CNST: variants seen among roughly 807,000 people sequenced by gnomAD.
CNST encodes the protein consortin, connexin sorting protein.
CNST carries 39 observed loss-of-function variants against 72.4 expected under a neutral mutation model. The observed-to-expected ratio is 0.54, with a 90% confidence interval of 0.42 to 0.70. The LOEUF (loss-of-function observed/expected upper bound fraction) is 0.70, where lower values mean the gene tolerates loss of function less well. Ranked by LOEUF, CNST falls within the 30% of genes least tolerant of loss-of-function variation. The probability of loss-of-function intolerance (pLI) is 0.00; values close to 1 mark genes in which losing one functional copy is unlikely to be tolerated. For missense variants in CNST, 871 were observed against 868.5 expected (o/e 1.00, Z -0.04); for synonymous variants, 332 against 320.1 (o/e 1.04, Z -0.40).
chr1:246,599,355 A>G (rs745933905), intron 2 of CNST, among the ~76,000 whole-genome samples: 2 of 152,214 alleles, frequency 1.3e-5, no homozygotes, highest in Admixed American at 1.3e-4. Flanking sequence ...TCAAGGTGTT[A>G]GCAGGGCTGT....
chr1:246,619,323 T>G (rs1315219693), intron 2 of CNST, among the ~76,000 whole-genome samples: 4 of 152,188 alleles, frequency 2.6e-5, no homozygotes, highest in Non-Finnish European at 4.4e-5. Flanking sequence ...AGGCCATCAC[T>G]GGGCCTTGTA....
chr1:246,660,206 C>G lies in CNST; in HGVS notation c.1844C>G (p.Pro615Arg). Residue 615 changes from proline (P) to arginine (R), a missense_variant, in exon 10 of 11, where the codon CCT (proline) becomes CGT (arginine). Physicochemically the swap from Pro to Arg is moderately radical, Grantham distance 103. Transcript: ENST00000366513. ...TCTTATAATTTCTGACAGGTTGTTCCTACTGAAGGATTGGTCTCCATATTA... is the reference window on the plus strand; with the variant it reads ...TCTTATAATTTCTGACAGGTTGTTCGTACTGAAGGATTGGTCTCCATATTA... ...AKRIEIAEVV[P>R]TEGLVSILKK... The G allele has an allele frequency of 6.2e-7, 1 of 1,608,380 alleles. No individual in the cohort carries two copies. Among genetic ancestry groups the G allele is most frequent in the African/African-American group, 1.3e-5 (1 of 74,702 alleles).
At chr1:246,659,530 G>A (rs564845206) in intron 9 of CNST, among the ~76,000 whole-genome samples, 33 of 151,990 alleles carry the variant, frequency 2.2e-4, no homozygotes, top group African/African-American at 7.5e-4. Context: ...GGGAGGCGGA[G>A]ATTGCAGTGA....
chr1:246,637,926 G>C (rs905250073), intron 6 of CNST, among the ~76,000 whole-genome samples: 1 of 152,184 alleles, frequency 6.6e-6, no homozygotes, highest in Non-Finnish European at 1.5e-5. Flanking sequence ...TATCAGGTGA[G>C]TGAAGTCTAC....
In CNST at chr1:246,644,297, G is replaced by A. The variant is rs1421341889; in HGVS notation, c.937+2260G>A. Among the ~76,000 whole-genome samples the A allele has an allele frequency of 2.0e-5, 3 of 150,202 alleles. No individual in the cohort carries two copies. In the Admixed American group the frequency reaches 2.0e-4, roughly 10 times the overall value. On this transcript the variant is annotated intron_variant, in intron 8 of 10. Transcript: ENST00000366513. ...CCAGCTGCTGGAGAGGCTGAGGCAG[G>A]AGAATGGCGTGAACCCGGGAGGCGG...
intron 2 of CNST, among the ~76,000 whole-genome samples, chr1:246,596,230 C>A (rs1661870843): frequency 6.6e-6 from 1 of 151,950 alleles, no homozygotes; most frequent in African/African-American, 2.4e-5. Flanking sequence ...GCCTGGGCAA[C>A]ACAGGGAGAC....
intron 10 of CNST, among the ~76,000 whole-genome samples, chr1:246,662,548 CTGGCTAATTTT>C (rs1011390528): frequency 7.2e-5 from 11 of 152,186 alleles, no homozygotes; most frequent in Non-Finnish European, 1.6e-4. Flanking sequence ...TCCCCGACGC[CTGGCTAATTTT>C]TGTACTTTTA....
Position 246,569,582 on chromosome 1 carries a change from GT to G in CNST, c.-52+2923del, listed in dbSNP as rs542734207. ...CTCTTCCTTTTAGTGTTTTTGTTTT[GT>G]TTTGTTTGTTTTGAGACAGATTCTC... On this transcript the variant is annotated intron_variant, in intron 1 of 10. Transcript: ENST00000366513. Among the ~76,000 whole-genome samples the G allele has an allele frequency of 3.9e-3, 591 of 152,132 alleles. 3 individuals carry two copies. The highest frequency in any genetic ancestry group is 0.014 in the African/African-American group (567 of 41,506).
intron 1 of CNST, among the ~76,000 whole-genome samples, chr1:246,579,261 T>G (rs946810038): frequency 1.3e-5 from 2 of 152,236 alleles, no homozygotes; most frequent in African/African-American, 4.8e-5. Flanking sequence ...CCTGTGACTT[T>G]GCAGATCCCT....
rs1326824104 is a variant in CNST, at chr1:246,647,767, G to T, written c.1566G>T (p.Leu522=). 1.2e-6 allele frequency: 2 copies of T among 1,614,182 alleles called. No individual in the cohort carries two copies. Among genetic ancestry groups the T allele is most frequent in the African/African-American group, 1.3e-5 (1 of 75,054 alleles). Reference sequence around the variant, plus strand: ...ATCAAATATCTGACTTAGGCATACTGCTTCCAGAGGTGTGTATGGCCCCAG... The same window carrying T: ...ATCAAATATCTGACTTAGGCATACTTCTTCCAGAGGTGTGTATGGCCCCAG... The part of the protein sequence containing the change: ...GNNQISDLGI[L]LPEVCMAPEE... The change falls in exon 9 of 11, where the codon CTG becomes CTT. Residue 522 remains leucine (L), a synonymous_variant. Coordinates refer to ENST00000366513, the MANE Select transcript of CNST (RefSeq NM_152609.3).
chr1:246,589,924 T>C (rs1382987280), intron 1 of CNST, among the ~76,000 whole-genome samples: 3 of 152,208 alleles, frequency 2.0e-5, no homozygotes, highest in Admixed American at 1.3e-4. Context: ...TTTTGAGAAG[T>C]GTCTGTTCAT....
chr1:246,613,156 C>G (rs1479685982), intron 2 of CNST, among the ~76,000 whole-genome samples: 1 of 152,174 alleles, frequency 6.6e-6, no homozygotes, highest in African/African-American at 2.4e-5. Flanking sequence ...AAGTGTATCA[C>G]TGAGATAAAG....
At chr1:246,648,447 A>G (rs1159298146) in intron 9 of CNST, among the ~76,000 whole-genome samples, 3 of 152,192 alleles carry the variant, frequency 2.0e-5, no homozygotes, top group Non-Finnish European at 2.9e-5. Context: ...TCTTGTTAAT[A>G]TATTTTTTAA....
At chr1:246,651,935 CTG>C (rs965931162) in intron 9 of CNST, among the ~76,000 whole-genome samples, 3 of 152,100 alleles carry the variant, frequency 2.0e-5, no homozygotes, top group African/African-American at 7.2e-5. Context: ...AGTGACTTCT[CTG>C]TGAGGGCCGC....
chr1:246,577,640 TTC>T (rs1284760160), intron 1 of CNST, among the ~76,000 whole-genome samples: 1 of 152,108 alleles, frequency 6.6e-6, no homozygotes, highest in Admixed American at 6.5e-5. Context: ...GGGCATAGAA[TTC>T]TCTTTCATGT....
chr1:246,574,691 C>A (rs1203698487), intron 1 of CNST, among the ~76,000 whole-genome samples: 3 of 151,982 alleles, frequency 2.0e-5, no homozygotes, highest in African/African-American at 7.2e-5. Context: ...CCTCCCAAAG[C>A]ACAATACGTG....
At chr1:246,585,905 C>T (rs1405088238) in intron 1 of CNST, among the ~76,000 whole-genome samples, 1 of 151,810 alleles carries the variant, frequency 6.6e-6, no homozygotes, top group Non-Finnish European at 1.5e-5. Context: ...CATAGTGAGA[C>T]TCTGTTTCTA....
At chr1:246,586,338 TTA>T (rs992128091) in intron 1 of CNST, among the ~76,000 whole-genome samples, 4 of 147,796 alleles carry the variant, frequency 2.7e-5, no homozygotes, top group Non-Finnish European at 6.0e-5. Context: ...TATATCAACT[TTA>T]TATGAGATAA....
In CNST at chr1:246,647,851, C is replaced by T. The variant is rs1231629697; in HGVS notation, c.1650C>T (p.Ser550=). The T allele has an allele frequency of 3.1e-6, 5 of 1,614,142 alleles. No homozygotes were observed. The highest frequency in any genetic ancestry group is 1.7e-5 in the Admixed American group (1 of 60,004). The part of the protein sequence containing the change: ...LNKETEDYLN[S]LLEGCLKDTE... Reference sequence around the variant, plus strand: ...AAGAAACAGAAGACTATTTGAACAGCCTTTTAGAAGGATGTTTAAAAGATA... The same window carrying T: ...AAGAAACAGAAGACTATTTGAACAGTCTTTTAGAAGGATGTTTAAAAGATA... Residue 550 remains serine, a synonymous_variant, in exon 9 of 11, where the codon AGC becomes AGT. Coordinates refer to ENST00000366513, the MANE Select transcript of CNST (RefSeq NM_152609.3).
Sources: allele counts gnomAD v4.1 joint callset (sites outside exome capture counted in the v4.1 genomes callset), GRCh38; gene constraint gnomAD v4.1.1; transcripts MANE v1.5; gene names NCBI Gene and HGNC (gene_info 2026-07-23, HGNC 2026-07-21).